SPMAP2L: variants seen among roughly 807,000 people sequenced by gnomAD.
SPMAP2L encodes sperm microtubule associated protein 2 like.
chr4:56,620,773 T>C, the SPMAP2L span, among the ~76,000 whole-genome samples: 1 of 152,256 alleles, frequency 6.6e-6, no homozygotes, highest in African/African-American at 2.4e-5. Context: ...TTAAATACTC[T>C]ATTTAAAGTA....
the SPMAP2L span, chr4:56,593,734 A>G: frequency 6.4e-7 from 1 of 1,569,244 alleles, no homozygotes. Flanking sequence ...CTGGGAAAGA[A>G]GTGTATTGTC....
the SPMAP2L span, among the ~76,000 whole-genome samples, chr4:56,602,211 T>C: frequency 1.3e-5 from 2 of 152,204 alleles, no homozygotes; most frequent in African/African-American, 2.4e-5. Context: ...ACGGATAACA[T>C]CTGATCCCTC....
At chr4:56,588,038 G>T in the SPMAP2L span, among the ~76,000 whole-genome samples, 2 of 152,304 alleles carry the variant, frequency 1.3e-5, no homozygotes, top group Non-Finnish European at 2.9e-5. Flanking sequence ...GTATTGCATT[G>T]TAGTTTTGAT....
At chr4:56,626,167 T>C in the SPMAP2L span, among the ~76,000 whole-genome samples, 1 of 152,202 alleles carries the variant, frequency 6.6e-6, no homozygotes, top group Non-Finnish European at 1.5e-5. Context: ...GAAAAGGCCA[T>C]AGCCTCCCAT....
chr4:56,557,003 C>A, the SPMAP2L span, among the ~76,000 whole-genome samples: 1 of 151,930 alleles, frequency 6.6e-6, no homozygotes, highest in Non-Finnish European at 1.5e-5. Flanking sequence ...AATTCCAGCA[C>A]TTTGAGAGGC....
At chr4:56,606,345 C>T in the SPMAP2L span, among the ~76,000 whole-genome samples, 1 of 152,090 alleles carries the variant, frequency 6.6e-6, no homozygotes, top group African/African-American at 2.4e-5. Context: ...TTGTTTAAAG[C>T]TTTATGGGGA....
the SPMAP2L span, among the ~76,000 whole-genome samples, chr4:56,610,849 C>G: frequency 3.9e-5 from 6 of 152,116 alleles, no homozygotes; most frequent in African/African-American, 1.4e-4. Context: ...AAAAAATGCT[C>G]GACATCACTA....
At chr4:56,593,585 G>T in the SPMAP2L span, 3 of 1,603,458 alleles carry the variant, frequency 1.9e-6, no homozygotes, top group Non-Finnish European at 2.6e-6. Context: ...AGAATTTGGG[G>T]TAGACATCGC....
chr4:56,595,461 G>A, the SPMAP2L span: 1 of 1,602,758 alleles, frequency 6.2e-7, no homozygotes, highest in Admixed American at 1.7e-5. Flanking sequence ...ACATTGAGGA[G>A]GGCCGCATCG....
the SPMAP2L span, among the ~76,000 whole-genome samples, chr4:56,589,109 C>T: frequency 6.6e-6 from 1 of 152,198 alleles, no homozygotes; most frequent in Admixed American, 6.5e-5. Flanking sequence ...CTGCTTCAGC[C>T]TCCTGAGTAG....
the SPMAP2L span, among the ~76,000 whole-genome samples, chr4:56,618,833 C>T: frequency 7.2e-5 from 11 of 152,230 alleles, no homozygotes; most frequent in East Asian, 3.9e-4. Flanking sequence ...TTCTGCCAGC[C>T]GGGGTGTTTG....
At chr4:56,535,570 C>G in the SPMAP2L span, among the ~76,000 whole-genome samples, 4 of 152,238 alleles carry the variant, frequency 2.6e-5, no homozygotes, top group South Asian at 8.3e-4. Context: ...ACAGGAATTG[C>G]TCACTCGGGG....
the SPMAP2L span, among the ~76,000 whole-genome samples, chr4:56,613,796 A>C: frequency 6.6e-6 from 1 of 152,236 alleles, no homozygotes; most frequent in African/African-American, 2.4e-5. Flanking sequence ...GGTAGTGTAG[A>C]CATGTGACTA....
chr4:56,590,518 A>G, the SPMAP2L span, among the ~76,000 whole-genome samples: 1 of 152,358 alleles, frequency 6.6e-6, no homozygotes, highest in African/African-American at 2.4e-5. Context: ...AAGTTGTAGT[A>G]TCGAGGAAGA....
chr4:56,626,140 G>A, the SPMAP2L span, among the ~76,000 whole-genome samples: 1 of 152,256 alleles, frequency 6.6e-6, no homozygotes, highest in African/African-American at 2.4e-5. Context: ...AATGGAAGAA[G>A]ATGAAGATAA....
the SPMAP2L span, among the ~76,000 whole-genome samples, chr4:56,566,695 C>CTTTTTTTTTTTTTTTTTTTTTTTTT: frequency 3.2e-5 from 3 of 92,450 alleles, no homozygotes; most frequent in South Asian, 3.8e-4. Flanking sequence ...TTTTCTTTTT[C>CTTTTTTTTTTTTTTTTTTTTTTTTT]TTTTTTTTTT....
chr4:56,554,616 T>C, the SPMAP2L span, among the ~76,000 whole-genome samples: 1 of 152,218 alleles, frequency 6.6e-6, no homozygotes, highest in African/African-American at 2.4e-5. Context: ...ATGGTTTAGC[T>C]TTTCATTCTC....
At chr4:56,625,024 A>C in the SPMAP2L span, among the ~76,000 whole-genome samples, 1 of 152,196 alleles carries the variant, frequency 6.6e-6, no homozygotes, top group African/African-American at 2.4e-5. Context: ...AGCAGCCAGG[A>C]GGGAGGCTCT....
chr4:56,563,242 G>A, the SPMAP2L span, among the ~76,000 whole-genome samples: 5 of 150,456 alleles, frequency 3.3e-5, no homozygotes, highest in African/African-American at 9.8e-5. Flanking sequence ...ACAGGCACAT[G>A]TCACCATACC....
Sources: allele counts gnomAD v4.1 joint callset (sites outside exome capture counted in the v4.1 genomes callset), GRCh38; gene constraint gnomAD v4.1.1; transcripts MANE v1.5; gene names NCBI Gene and HGNC (gene_info 2026-07-23, HGNC 2026-07-21).